Variants in ATP2C2 observed in about 807,000 individuals in gnomAD.
The protein encoded by ATP2C2 is ATPase secretory pathway Ca2+ transporting 2, also known as calcium-transporting ATPase type 2C member 2.
ATP2C2 carries 171 observed loss-of-function variants against 110.8 expected under a neutral mutation model. The observed-to-expected ratio is 1.54, with a 90% CI of 1.36 to 1.75. The LOEUF (loss-of-function observed/expected upper bound fraction) is 1.75, where lower values mean the gene tolerates loss of function less well. Ranked by LOEUF, ATP2C2 falls within the 40% of genes most tolerant of loss-of-function variation. The pLI, the probability that ATP2C2 is intolerant of heterozygous loss-of-function variation, is 0.00. For missense variants in ATP2C2, 1,963 were observed against 1,235.0 expected, an observed-to-expected ratio of 1.59 and a Z score of -8.84; for synonymous variants, 804 against 508.4, an observed-to-expected ratio of 1.58 and a Z score of -7.82.
rs539831268 is a variant in ATP2C2 at position 84,393,020 on chromosome 16, TGA to T, written c.100-5477_100-5476del. Among the ~76,000 whole-genome samples the T allele has an allele frequency of 5.8e-4, 88 of 152,294 alleles. No individual in the cohort carries two copies. The Middle Eastern group carries it at 0.01, about 18-fold the overall frequency. On this transcript the variant is annotated intron_variant, in intron 1 of 26. Coordinates refer to ENST00000262429, the MANE Select transcript of ATP2C2 (RefSeq NM_014861.4). ...TTACCCTGAGTTTGTTTCCAGTTTT[TGA>T]GTGCCTCAGCTTCAAGGTGGGCCAT...
chr16:84,368,869 G>A (rs1251858650), intron 1 of ATP2C2, among the ~76,000 whole-genome samples, 155 bp downstream of exon 1: 1 of 152,214 alleles, frequency 6.6e-6, no homozygotes, highest in African/African-American at 2.4e-5. Flanking sequence ...CAGCAACCGC[G>A]CTCTCATCTG....
intron 7 of ATP2C2, among the ~76,000 whole-genome samples, chr16:84,419,721 G>A (rs1207397287): frequency 1.3e-5 from 2 of 152,030 alleles, no homozygotes; most frequent in Non-Finnish European, 2.9e-5. Flanking sequence ...CACCTACTAC[G>A]TATGAGGCCC....
At chr16:84,449,120 T>C (rs1053506310) in intron 17 of ATP2C2, among the ~76,000 whole-genome samples, 13 of 152,180 alleles carry the variant, frequency 8.5e-5, no homozygotes, top group African/African-American at 3.1e-4. Context: ...GAACATTAAA[T>C]CTCACATTTC....
intron 23 of ATP2C2, 76 bp from the exon 24 acceptor site, chr16:84,460,578 T>G (rs767813887): frequency 9.4e-6 from 15 of 1,602,552 alleles, no homozygotes. Flanking sequence ...CCTGGGAGGC[T>G]CAGGCACAGC....
chr16:84,390,410 T>G (rs193156166), intron 1 of ATP2C2, among the ~76,000 whole-genome samples: 5 of 152,214 alleles, frequency 3.3e-5, no homozygotes, highest in Admixed American at 3.3e-4. Context: ...CTGCGCTTGT[T>G]GGGTGCAGCT....
chr16:84,453,058 C>A lies in ATP2C2; in HGVS notation c.1832-80C>A. 5 of 1,409,460 alleles carry A rather than the reference C, an allele frequency of 3.5e-6. No individual in the cohort carries two copies. The South Asian group carries it at 5.0e-5, about 14-fold the overall frequency. The allele number at this position is 1,409,460 out of a possible 1,614,324, so 87.3% of individuals were successfully genotyped here. ...CAGCATGGTTTTATTCTTGGTGTTC[C>A]CCATGGCCGAGGTGGGGCCGGGAGT... On this transcript the variant is annotated intron_variant, in intron 18 of 26. Coordinates refer to ENST00000262429, the MANE Select transcript of ATP2C2 (RefSeq NM_014861.4).
intron 11 of ATP2C2, among the ~76,000 whole-genome samples, chr16:84,438,295 C>G (rs1908924252): frequency 6.6e-6 from 1 of 152,180 alleles, no homozygotes; most frequent in African/African-American, 2.4e-5. Context: ...CTTTCTACAG[C>G]CCACCCCTGG....
intron 2 of ATP2C2, among the ~76,000 whole-genome samples, chr16:84,402,940 A>C (rs2150516408): frequency 6.6e-6 from 1 of 152,244 alleles, no homozygotes; most frequent in South Asian, 2.1e-4. Flanking sequence ...AAGACTTTTT[A>C]TTATGGCTTT....
At chr16:84,397,655 C>CAAAATAAAAAAAAAAAAAAAA (rs1905070666) in intron 1 of ATP2C2, among the ~76,000 whole-genome samples, 1 of 63,512 alleles carries the variant, frequency 1.6e-5, no homozygotes, top group Non-Finnish European at 3.5e-5. Context: ...GCCTGGGTGA[C>CAAAATAAAAAAAAAAAAAAAA]AAAAAAAAAA....
At chr16:84,389,135 C>G (rs1567689251) in intron 1 of ATP2C2, among the ~76,000 whole-genome samples, 1 of 152,206 alleles carries the variant, frequency 6.6e-6, no homozygotes, top group Non-Finnish European at 1.5e-5. Context: ...TTCTCTTTCT[C>G]TGAAACCCCC....
At chr16:84,442,249 G>A (rs1250138896) in intron 14 of ATP2C2, among the ~76,000 whole-genome samples, 4 of 152,066 alleles carry the variant, frequency 2.6e-5, no homozygotes, top group Admixed American at 6.6e-5. Context: ...ATTATCGGTC[G>A]CTCCCCGTTA....
intron 1 of ATP2C2, among the ~76,000 whole-genome samples, chr16:84,391,153 G>A (rs536233420): frequency 6.6e-6 from 1 of 150,640 alleles, no homozygotes; most frequent in African/African-American, 2.4e-5. Context: ...AGAAGGGAAG[G>A]TTTGGTTCTG....
chr16:84,445,575 G>C (rs899002895), intron 15 of ATP2C2, among the ~76,000 whole-genome samples: 4 of 152,116 alleles, frequency 2.6e-5, no homozygotes, highest in African/African-American at 9.7e-5. Flanking sequence ...GACGATATCT[G>C]CAAAGGCGCT....
chr16:84,450,155 G>A (rs1910128296), intron 17 of ATP2C2, among the ~76,000 whole-genome samples: 1 of 152,200 alleles, frequency 6.6e-6, no homozygotes, highest in Non-Finnish European at 1.5e-5. Flanking sequence ...TTCCCCCAGT[G>A]TACACGCAGG....
rs113328035 is a variant in ATP2C2, at chr16:84,434,082, A to G, written c.987-5084A>G. Among the ~76,000 whole-genome samples, 1,396 of 152,278 alleles carry G rather than the reference A, an allele frequency of 9.2e-3. 27 individuals are homozygous for G. The highest frequency in any genetic ancestry group is 0.032 in the African/African-American group (1,337 of 41,552). ...AGCGGAGATTTTCCAAAATAAGTAA[A>G]ATGAGAGAATCATTTTTTTAAAACT... is the stretch of plus-strand genomic sequence containing the variant. On this transcript the variant is annotated intron_variant, in intron 11 of 26. Coordinates refer to ENST00000262429, the MANE Select transcript of ATP2C2 (RefSeq NM_014861.4).
chr16:84,435,362 G>A (rs117993402), intron 11 of ATP2C2, among the ~76,000 whole-genome samples: 2 of 152,324 alleles, frequency 1.3e-5, no homozygotes, highest in South Asian at 2.1e-4. Context: ...TGGTCTCTCT[G>A]TGTGATCCTG....
intron 23 of ATP2C2, 105 bp from the exon 24 acceptor site, chr16:84,460,549 G>A: frequency 1.3e-6 from 2 of 1,525,204 alleles, no homozygotes; most frequent in Non-Finnish European, 1.8e-6. Context: ...GCCTGGCCCT[G>A]CCCCCTGTGC....
intron 1 of ATP2C2, among the ~76,000 whole-genome samples, chr16:84,387,810 G>A (rs192812111): frequency 1.1e-3 from 166 of 152,272 alleles, no homozygotes; most frequent in African/African-American, 3.7e-3. Flanking sequence ...TGGGGGACTG[G>A]GTGTGGTGGC....
intron 2 of ATP2C2, chr16:84,404,853 A>G (rs993359252): frequency 1.2e-5 from 5 of 411,966 alleles, no homozygotes; most frequent in African/African-American, 9.4e-5. Flanking sequence ...GTGTTTCTGC[A>G]TTTCTGGAAG....
Sources: gnomAD v4.1 joint callset for allele counts (sites outside exome capture counted in the v4.1 genomes callset) on GRCh38, gnomAD v4.1.1 for gene constraint, MANE v1.5 for transcripts, NCBI Gene and HGNC (gene_info 2026-07-23, HGNC 2026-07-21) for gene names.